The following ANKRD30BL variants were observed in gnomAD, a reference collection of about 807,000 sequenced individuals.
ANKRD30BL encodes the protein ankyrin repeat domain 30B like.
ANKRD30BL carries 20 observed loss-of-function variants against 18.4 expected under a neutral mutation model. The observed-to-expected ratio is 1.09, with a 90% CI of 0.77 to 1.58. The LOEUF is 1.58. Ranked by LOEUF, ANKRD30BL falls within the 40% of genes most tolerant of loss-of-function variation. The probability of loss-of-function intolerance (pLI) is 0.00; values close to 1 mark genes in which losing one functional copy is unlikely to be tolerated. For missense variants in ANKRD30BL, 224 were observed against 268.6 expected (o/e 0.83, Z 1.16); for synonymous variants, 72 against 100.9 (o/e 0.71, Z 1.72).
chr2:132,187,195 T>TTG (rs1688580031), intron 1 of ANKRD30BL, among the ~76,000 whole-genome samples: 1 of 143,228 alleles, frequency 7.0e-6, no homozygotes. Context: ...TTTGTTTTTT[T>TTG]TTTTTTTTTT....
At chr2:132,150,153 T>TA (rs1382746395) in intron 5 of ANKRD30BL, among the ~76,000 whole-genome samples, 1 of 152,000 alleles carries the variant, frequency 6.6e-6, no homozygotes, top group East Asian at 1.9e-4. Flanking sequence ...AATCATTTAT[T>TA]ACAAAAATTA....
In ANKRD30BL at chr2:132,199,983, C is replaced by T. The variant is rs566697958; in HGVS notation, n.442-42837G>A. Reference sequence around the variant, plus strand: ...TCCAACACGATCAAGTGGGCTTCATCCCTGGGATGCAAGGCTGGTTCAATA... The same window carrying T: ...TCCAACACGATCAAGTGGGCTTCATTCCTGGGATGCAAGGCTGGTTCAATA... On this transcript the variant is annotated intron_variant and non_coding_transcript_variant, in intron 1 of 4. Transcript: ENST00000470729. Among the ~76,000 whole-genome samples the T allele has an allele frequency of 2.9e-3, 448 of 152,268 alleles. 5 individuals are homozygous for T. Among genetic ancestry groups the T allele is most frequent in the African/African-American group, 0.01 (422 of 41,552 alleles).
intron 1 of ANKRD30BL, among the ~76,000 whole-genome samples, chr2:132,240,426 T>G (rs1229910936): frequency 6.6e-6 from 1 of 151,884 alleles, no homozygotes; most frequent in African/African-American, 2.4e-5. Context: ...GAAACACTCT[T>G]TTTGTAGAAT....
At chr2:132,203,734 A>G (rs2104749874) in intron 1 of ANKRD30BL, among the ~76,000 whole-genome samples, 1 of 152,178 alleles carries the variant, frequency 6.6e-6, no homozygotes, top group South Asian at 2.1e-4. Context: ...TAATAAAAAT[A>G]AAGGAAAACC....
intron 1 of ANKRD30BL, among the ~76,000 whole-genome samples, chr2:132,183,338 G>A (rs1012737574): frequency 1.3e-5 from 2 of 152,088 alleles, no homozygotes; most frequent in African/African-American, 2.4e-5. Flanking sequence ...CACCATGTTG[G>A]TCAGGAGGTT....
At chr2:132,224,787 A>G (rs1352154444) in intron 1 of ANKRD30BL, among the ~76,000 whole-genome samples, 1 of 152,136 alleles carries the variant, frequency 6.6e-6, no homozygotes, top group African/African-American at 2.4e-5. Flanking sequence ...GACCGCTTTG[A>G]GGCATTCGAT....
In ANKRD30BL at chr2:132,231,347, G is replaced by A. The variant is rs191384430; in HGVS notation, n.441+26182C>T. Among the ~76,000 whole-genome samples, 269 of 152,244 alleles carry A rather than the reference G, an allele frequency of 1.8e-3. 1 individual carries two copies. Among genetic ancestry groups the A allele is most frequent in the African/African-American group, 6.0e-3 (251 of 41,570 alleles). ...CGAAGGGGGAGGAGCCAAGATGGCC[G>A]AATAGGAACAGCTCTGGTCTACAGC... On this transcript the variant is annotated intron_variant and non_coding_transcript_variant, in intron 1 of 4. Transcript: ENST00000470729.
At chr2:132,164,682 T>C (rs1387617589), upstream of ANKRD30BL, among the ~76,000 whole-genome samples, 1 of 152,242 alleles carries the variant, frequency 6.6e-6, no homozygotes, top group African/African-American at 2.4e-5. Flanking sequence ...AGATTTTCTA[T>C]CACATTCTGC....
intron 1 of ANKRD30BL, among the ~76,000 whole-genome samples, chr2:132,232,765 G>A (rs867034356): frequency 1.3e-4 from 20 of 152,210 alleles, no homozygotes; most frequent in Middle Eastern, 6.8e-3. Flanking sequence ...CACTCTGCAG[G>A]ATATTACCCA....
chr2:132,183,488 A>G (rs552117491), intron 1 of ANKRD30BL, among the ~76,000 whole-genome samples: 8 of 152,256 alleles, frequency 5.3e-5, no homozygotes, highest in Non-Finnish European at 7.3e-5. Flanking sequence ...CTGTAAAGTT[A>G]AGTAGTAACT....
intron 1 of ANKRD30BL, among the ~76,000 whole-genome samples, chr2:132,234,397 A>C (rs1680097647): frequency 1.3e-5 from 2 of 152,090 alleles, no homozygotes; most frequent in African/African-American, 4.8e-5. Context: ...TGAATCCAGG[A>C]GCTGGTTTTT....
chr2:132,215,748 A>C (rs1265526640), intron 1 of ANKRD30BL, among the ~76,000 whole-genome samples: 1 of 152,076 alleles, frequency 6.6e-6, no homozygotes. Flanking sequence ...TGATGTGTGC[A>C]TTCATCTCAG....
At chr2:132,232,095 G>C (rs956088857) in intron 1 of ANKRD30BL, among the ~76,000 whole-genome samples, 4 of 152,010 alleles carry the variant, frequency 2.6e-5, no homozygotes, top group African/African-American at 7.2e-5. Flanking sequence ...CACACGGCAG[G>C]GTATTCCAAC....
intron 1 of ANKRD30BL, among the ~76,000 whole-genome samples, chr2:132,235,595 C>G (rs1039374751): frequency 6.6e-6 from 1 of 151,994 alleles, no homozygotes; most frequent in African/African-American, 2.4e-5. Context: ...ACAATTGCTT[C>G]AAAGAGAATA....
rs33924872 is a variant in ANKRD30BL, at chr2:132,160,401, C to CTTTTT, written c.218+1082_218+1086dup. Among the ~76,000 whole-genome samples, 71 of 97,564 alleles carry CTTTTT rather than the reference C, an allele frequency of 7.3e-4. 2 individuals carry two copies. Among genetic ancestry groups the CTTTTT allele is most frequent in the African/African-American group, 2.9e-3 (66 of 23,068 alleles). 64.0% of individuals were successfully genotyped at this position (97,564 alleles called of 152,430 possible). ...CAGGCATGAGCCACGACGCCTGGCC[C>CTTTTT]TTTTTTTTTTTTTTTTTCAAATTTT... On this transcript the variant is annotated intron_variant, in intron 1 of 5. Coordinates refer to ENST00000409867, the MANE Select transcript of ANKRD30BL (RefSeq NM_001358416.1).
chr2:132,207,798 G>A (rs1175430331), intron 1 of ANKRD30BL, among the ~76,000 whole-genome samples: 1 of 152,028 alleles, frequency 6.6e-6, no homozygotes, highest in Non-Finnish European at 1.5e-5. Context: ...AATGTGAGTA[G>A]CCTGTTCATT....
At chr2:132,250,204 T>C (rs796129041) in intron 1 of ANKRD30BL, among the ~76,000 whole-genome samples, 1 of 145,420 alleles carries the variant, frequency 6.9e-6, no homozygotes, top group Non-Finnish European at 1.5e-5. Context: ...AAATATCACT[T>C]TGCAGATTGT....
chr2:132,171,971 T>A (rs1688291854), intron 1 of ANKRD30BL, among the ~76,000 whole-genome samples: 1 of 152,242 alleles, frequency 6.6e-6, no homozygotes. Flanking sequence ...TCCTTTTGCA[T>A]CTGGATTATT....
chr2:132,257,281 T>A (rs1181861540), intron 1 of ANKRD30BL, among the ~76,000 whole-genome samples: 1 of 152,190 alleles, frequency 6.6e-6, no homozygotes, highest in African/African-American at 2.4e-5. Context: ...AACACGGTCG[T>A]CGGCACCGGT....
Sources: allele counts gnomAD v4.1 joint callset (sites outside exome capture counted in the v4.1 genomes callset), GRCh38; gene constraint gnomAD v4.1.1; transcripts MANE v1.5; gene names NCBI Gene and HGNC (gene_info 2026-07-23, HGNC 2026-07-21).